Variants in NR2C2 observed in about 807,000 individuals in gnomAD.
NR2C2 encodes Nuclear hormone receptor TR4.
In NR2C2, 6 loss-of-function variants were observed where a neutral mutation model predicts 62.9. The observed-to-expected ratio is 0.10, with a 90% CI of 0.05 to 0.19. NR2C2 has a LOEUF of 0.19. Among genes scored for constraint, NR2C2 ranks in the 10% least tolerant of loss-of-function variants. The pLI, the probability that NR2C2 is intolerant of heterozygous loss-of-function variation, is 1.00. For missense variants in NR2C2, 479 were observed against 762.7 expected, an observed-to-expected ratio of 0.63 and a Z score of 4.38; for synonymous variants, 272 against 273.8, an observed-to-expected ratio of 0.99 and a Z score of 0.07.
At chr3:14,975,113 T>C (rs2040166422) in intron 1 of NR2C2, among the ~76,000 whole-genome samples, 1 of 152,212 alleles carries the variant, frequency 6.6e-6, no homozygotes, top group Admixed American at 6.5e-5. Flanking sequence ...ATTTGTTTTA[T>C]TCTAAAAGTT....
In NR2C2 at chr3:14,966,668, T is replaced by C. The variant is rs183386794; in HGVS notation, c.-40+18762T>C. On this transcript the variant is annotated intron_variant, in intron 1 of 13. Coordinates refer to ENST00000425241, the MANE Select transcript of NR2C2 (RefSeq NM_001291694.2). ...TGAAATACAGCAACATTGTGGATTA[T>C]GTAAATGATGTTCTCTAGAGTACCC... Among the ~76,000 whole-genome samples the C allele has an allele frequency of 9.5e-4, 144 of 152,370 alleles. 4 individuals carry two copies. Among genetic ancestry groups the C allele is most frequent in the Admixed American group, 9.3e-3 (142 of 15,302 alleles).
chr3:15,025,289 C>T (rs2041792371), intron 7 of NR2C2, among the ~76,000 whole-genome samples: 1 of 152,220 alleles, frequency 6.6e-6, no homozygotes, highest in African/African-American at 2.4e-5. Flanking sequence ...AACCAAGACT[C>T]CAGAACTGGC....
intron 8 of NR2C2, among the ~76,000 whole-genome samples, 173 bp downstream of exon 8, chr3:15,028,892 C>T (rs1405229978): frequency 6.6e-6 from 1 of 152,156 alleles, no homozygotes; most frequent in African/African-American, 2.4e-5. Flanking sequence ...GGAACATAGA[C>T]CCACCTATGT....
chr3:15,023,053 G>A (rs879798163), intron 5 of NR2C2, 147 bp from the exon 6 acceptor site: 1 of 835,916 alleles, frequency 1.2e-6, no homozygotes, highest in Non-Finnish European at 1.8e-6. Flanking sequence ...CCTTCTCTCT[G>A]GCCGAAAAGT....
intron 6 of NR2C2, among the ~76,000 whole-genome samples, 188 bp downstream of exon 6, chr3:15,023,535 T>C (rs903426761): frequency 2.0e-5 from 3 of 152,220 alleles, no homozygotes; most frequent in Admixed American, 6.5e-5. Context: ...GCCTGATTTA[T>C]GAAGGGGTCA....
chr3:15,000,633 C>G (rs1473220930), intron 1 of NR2C2, among the ~76,000 whole-genome samples: 1 of 152,056 alleles, frequency 6.6e-6, no homozygotes, highest in Non-Finnish European at 1.5e-5. Flanking sequence ...TGTTCTTTTT[C>G]AAGATTGTTT....
chr3:15,002,573 T>C (rs1411544617), intron 1 of NR2C2, among the ~76,000 whole-genome samples: 2 of 151,714 alleles, frequency 1.3e-5, no homozygotes, highest in Non-Finnish European at 2.9e-5. Flanking sequence ...TCAGGTAATA[T>C]TGGCCTCACA....
rs2042487361 is a variant in NR2C2, at chr3:15,047,192, T to G, written c.*4184T>G. 1 of 152,636 alleles carries G rather than the reference T, an allele frequency of 6.6e-6. No homozygotes were observed. Among genetic ancestry groups the G allele is most frequent in the Non-Finnish European group, 1.5e-5 (1 of 68,056 alleles). The allele number at this position is 152,636 out of a possible 1,614,324, so 9.5% of individuals were successfully genotyped here. On this transcript the variant is annotated 3_prime_UTR_variant, in exon 14 of 14. Transcript: ENST00000425241. The stretch of plus-strand genomic sequence containing the variant: ...TTTTCATAAAGTTGCTAATGTAAAC[T>G]GATATGGGTGTTCCAAGGTCCCTCG...
intron 2 of NR2C2, chr3:15,004,678 T>C: frequency 6.4e-7 from 1 of 1,563,080 alleles, no homozygotes. Context: ...TGACAAAGAT[T>C]TATTGTTATC....
intron 1 of NR2C2, among the ~76,000 whole-genome samples, chr3:14,953,561 A>C (rs1250549813): frequency 6.6e-6 from 1 of 152,102 alleles, no homozygotes; most frequent in Non-Finnish European, 1.5e-5. Flanking sequence ...CAGGGGAAAA[A>C]GTTTCCTACC....
At position 15,012,643 on chromosome 3, in the gene NR2C2, C is replaced by G. The variant is rs141755622; in HGVS notation, c.73-946C>G. The stretch of plus-strand genomic sequence containing the variant: ...TGTTTCCCCTCACCCAACACAGCAG[C>G]AGCAGCTCAAGAGTCTTCTTTGCAG... On this transcript the variant is annotated intron_variant, in intron 2 of 13. Coordinates refer to ENST00000425241, the MANE Select transcript of NR2C2 (RefSeq NM_001291694.2). Among the ~76,000 whole-genome samples, 4 of 152,326 alleles carry G rather than the reference C, an allele frequency of 2.6e-5. No homozygotes were observed. The East Asian group carries it at 7.7e-4, about 29-fold the overall frequency.
intron 3 of NR2C2, 121 bp downstream of exon 3, chr3:15,013,910 A>G (rs1326523391): frequency 9.8e-7 from 1 of 1,020,178 alleles, no homozygotes; most frequent in African/African-American, 1.6e-5. Context: ...GGACCTGCAA[A>G]CATGGCAGGT....
At chr3:14,958,903 G>C (rs1407403587) in intron 1 of NR2C2, among the ~76,000 whole-genome samples, 2 of 152,250 alleles carry the variant, frequency 1.3e-5, no homozygotes, top group Non-Finnish European at 2.9e-5. Flanking sequence ...TTGAACCAGG[G>C]AGTCGGAGGT....
At chr3:15,005,519 C>CTT (rs574293033) in intron 2 of NR2C2, among the ~76,000 whole-genome samples, 16,010 of 114,024 alleles carry the variant, frequency 0.14, 1,292 homozygotes, top group East Asian at 0.17. Context: ...GCGTGGCCAA[C>CTT]TTTTTTTTTT....
rs755308264 is a variant in NR2C2 at position 15,004,594 on chromosome 3, C to A, written c.72+608C>A. On this transcript the variant is annotated intron_variant, in intron 2 of 13. Coordinates refer to ENST00000425241, the MANE Select transcript of NR2C2 (RefSeq NM_001291694.2). ...GCCTCTGGCCCATTGAGTGTTTTCA[C>A]ATCTTTGAACAAAGAGAAGGTAGGT... 4 of 1,612,792 alleles carry A rather than the reference C, an allele frequency of 2.5e-6. No homozygotes were observed. In the South Asian group the frequency reaches 4.4e-5, roughly 18 times the overall value.
At chr3:15,013,066 A>G (rs1227369492) in intron 2 of NR2C2, among the ~76,000 whole-genome samples, 1 of 152,172 alleles carries the variant, frequency 6.6e-6, no homozygotes, top group Non-Finnish European at 1.5e-5. Flanking sequence ...AGAGTCAGGA[A>G]GTGGGAGTGA....
intron 12 of NR2C2, 188 bp from the exon 13 acceptor site, chr3:15,038,934 A>C: frequency 3.5e-6 from 2 of 577,618 alleles, no homozygotes; most frequent in Non-Finnish European, 3.1e-6. Context: ...GCTCCCAGGA[A>C]CTTCAGGCCT....
chr3:15,032,836 G>C (rs1198333050), intron 10 of NR2C2, among the ~76,000 whole-genome samples: 1 of 152,184 alleles, frequency 6.6e-6, no homozygotes, highest in African/African-American at 2.4e-5. Context: ...GCCGGGAACT[G>C]TGCCTAGGCC....
intron 1 of NR2C2, among the ~76,000 whole-genome samples, chr3:14,969,769 T>G (rs1255500104): frequency 6.6e-6 from 1 of 152,204 alleles, no homozygotes. Context: ...CTGCCATGGC[T>G]GAGAAAATAG....
Sources: allele counts gnomAD v4.1 joint callset (sites outside exome capture counted in the v4.1 genomes callset), GRCh38; gene constraint gnomAD v4.1.1; transcripts MANE v1.5; gene names NCBI Gene and HGNC (gene_info 2026-07-23, HGNC 2026-07-21).